The following C9orf72 variants were observed in gnomAD, a reference collection of about 807,000 sequenced individuals.
The protein encoded by C9orf72 is guanine nucleotide exchange factor C9orf72.
Under a neutral mutation model 51.6 loss-of-function variants are expected in C9orf72, and 44 were observed. The observed-to-expected ratio is 0.85, with a 90% CI of 0.67 to 1.10. C9orf72 has a LOEUF of 1.10. Among genes scored for constraint, C9orf72 ranks in the 50% least tolerant of loss-of-function variants. The pLI, the probability that C9orf72 is intolerant of heterozygous loss-of-function variation, is 0.00. For synonymous variants in C9orf72, 213 were observed against 194.2 expected, an observed-to-expected ratio of 1.10 and a Z score of -0.81; for missense variants, 607 against 570.6, an observed-to-expected ratio of 1.06 and a Z score of -0.65.
Position 27,548,650 on chromosome 9 carries a change from G to A in C9orf72, c.1166C>T (p.Pro389Leu). ...GAAAGTACTTCTGAGAGATAAGCCAGGTTTCAGCTGAAAGACCTGCAGGGA... is the reference window on the plus strand; with the variant it reads ...GAAAGTACTTCTGAGAGATAAGCCAAGTTTCAGCTGAAAGACCTGCAGGGA... ...AFLDQVFQLK[P>L]GLSLRSTFLA... The change falls in exon 10 of 11, where the codon CCT becomes CTT. Residue 389 changes from proline to leucine, a missense_variant. Transcript: ENST00000380003. The A allele has an allele frequency of 6.2e-7, 1 of 1,607,878 alleles. No individual in the cohort carries two copies. Among genetic ancestry groups the A allele is most frequent in the Non-Finnish European group, 8.5e-7 (1 of 1,174,468 alleles).
At chr9:27,572,285 A>G (rs1819603778) in intron 1 of C9orf72, among the ~76,000 whole-genome samples, 1 of 152,182 alleles carries the variant, frequency 6.6e-6, no homozygotes, top group East Asian at 1.9e-4. Flanking sequence ...GGGTTTTCCT[A>G]AAGTGGCAGG....
At chr9:27,554,887 G>A (rs756281993) in intron 8 of C9orf72, among the ~76,000 whole-genome samples, 3 of 152,076 alleles carry the variant, frequency 2.0e-5, no homozygotes, top group Admixed American at 6.5e-5. Flanking sequence ...ATTTTGTCAT[G>A]ATCAGCAAAA....
chr9:27,569,504 A>C (rs1371683839), intron 1 of C9orf72, among the ~76,000 whole-genome samples: 1 of 152,190 alleles, frequency 6.6e-6, no homozygotes, highest in Non-Finnish European at 1.5e-5. Flanking sequence ...CTGTGTTACA[A>C]CTGTCTATAG....
chr9:27,560,767 T>G (rs1819323771), intron 5 of C9orf72: 4 of 985,084 alleles, frequency 4.1e-6, no homozygotes, highest in Non-Finnish European at 4.8e-6. Flanking sequence ...GAAAAGACTG[T>G]GAACATAAAA....
chr9:27,572,343 T>C (rs1819605446), intron 1 of C9orf72, among the ~76,000 whole-genome samples: 1 of 152,204 alleles, frequency 6.6e-6, no homozygotes, highest in African/African-American at 2.4e-5. Context: ...TGACACCGTA[T>C]TTCAAGTATT....
At chr9:27,556,461 T>C (rs912223134) in intron 8 of C9orf72, 100 bp downstream of exon 8, 8 of 730,960 alleles carry the variant, frequency 1.1e-5, no homozygotes, top group Non-Finnish European at 1.6e-5. Flanking sequence ...GCTGGTAATA[T>C]TTCTTTCTTT....
chr9:27,564,205 G>A (rs1256363028), intron 3 of C9orf72, among the ~76,000 whole-genome samples: 5 of 148,576 alleles, frequency 3.4e-5, no homozygotes, highest in Admixed American at 1.3e-4. Flanking sequence ...TACAGAAGAG[G>A]CTCTAAAAGA....
chr9:27,566,928 G>A lies in C9orf72; in HGVS notation c.193C>T (p.His65Tyr). The change falls in exon 2 of 11, where the codon CAC (histidine) becomes TAC (tyrosine). Residue 65 changes from histidine to tyrosine, a missense_variant. Physicochemically the swap from His to Tyr is moderately conservative, Grantham distance 83. Transcript: ENST00000380003. ...CGAAGGATTTCTCCATTTAGAGTGT[G>A]GTTGGCAAGAAAAGTTATTTCTCCA... ...SDGEITFLAN[H>Y]TLNGEILRNA... is the part of the protein sequence containing the mutation. 1.2e-6 allele frequency: 2 copies of A among 1,614,042 alleles called. No individual in the cohort carries two copies. Among genetic ancestry groups the A allele is most frequent in the Non-Finnish European group, 1.7e-6 (2 of 1,179,938 alleles).
At chr9:27,570,311 T>C (rs1218969226) in intron 1 of C9orf72, among the ~76,000 whole-genome samples, 2 of 152,214 alleles carry the variant, frequency 1.3e-5, no homozygotes, top group Admixed American at 1.3e-4. Flanking sequence ...GAGGCCAACA[T>C]AATGAATTAA....
chr9:27,566,887 A>C lies in C9orf72; in HGVS notation c.234T>G (p.Gly78=), dbSNP rs759356207. 1 of 1,613,972 alleles carries C rather than the reference A, an allele frequency of 6.2e-7. No homozygotes were observed. Among genetic ancestry groups the C allele is most frequent in the Non-Finnish European group, 8.5e-7 (1 of 1,179,906 alleles). The change falls in exon 2 of 11, where the codon GGT becomes GGG. Residue 78 remains glycine, a synonymous_variant. Transcript: ENST00000380003. ...NGEILRNAES[G]AIDVKFFVLS... The stretch of plus-strand genomic sequence containing the variant: ...AGACAAAAAACTTTACATCTATAGC[A>C]CCACTCTCTGCATTTCGAAGGATTT...
Position 27,560,279 on chromosome 9 carries a change from T to G in C9orf72, c.686A>C (p.Gln229Pro), listed in dbSNP as rs1230480666. The change falls in exon 6 of 11, where the codon CAA (glutamine) becomes CCA (proline). Residue 229 changes from glutamine (Q) to proline (P), a missense_variant. Gln to Pro is a moderately conservative substitution (Grantham distance 76, BLOSUM62 -1). Transcript: ENST00000380003. ...TACTACAACGGAACAGCCACAGGTT[T>G]GCAAGTGTGAGCTGATGGCACTGTA... Reference protein sequence around the residue: ...FLLNAISSHLQTCGCSVVVGS... With the variant: ...FLLNAISSHLPTCGCSVVVGS... The G allele has an allele frequency of 6.2e-7, 1 of 1,610,430 alleles. No homozygotes were observed. The highest frequency in any genetic ancestry group is 1.3e-5 in the African/African-American group (1 of 74,788).
Position 27,566,974 on chromosome 9 carries a change from T to C in C9orf72, c.147A>G (p.Thr49=), listed in dbSNP as rs1183460536. ...PRVRHIWAPK[T]EQVLLSDGEI... Reference sequence around the variant, plus strand: ...CTCCATCACTGAGAAGTACCTGTTCTGTCTTTGGAGCCCAAATGTGCCTTA... The same window carrying C: ...CTCCATCACTGAGAAGTACCTGTTCCGTCTTTGGAGCCCAAATGTGCCTTA... The change falls in exon 2 of 11, where the codon ACA becomes ACG. Residue 49 remains threonine, a synonymous_variant. Coordinates refer to ENST00000380003, the MANE Select transcript of C9orf72 (RefSeq NM_018325.5). 2.5e-6 allele frequency: 4 copies of C among 1,614,136 alleles called. No homozygotes were observed. Among genetic ancestry groups the C allele is most frequent in the Non-Finnish European group, 2.5e-6 (3 of 1,179,948 alleles).
Position 27,556,922 on chromosome 9 carries a change from TC to T in C9orf72, c.856-127del, listed in dbSNP as rs1204918697. 5.1e-5 allele frequency: 34 copies of T among 662,624 alleles called. No homozygotes were observed. The Middle Eastern group carries it at 2.9e-3, about 57-fold the overall frequency. 41.0% of individuals were successfully genotyped at this position (662,624 alleles called of 1,614,324 possible). A position where few individuals can be genotyped will look rare whatever the true frequency, so the allele number is the denominator to read the frequency against. ...CTAAAAATTTATCCTAAGAAGCTATTCATGAGTGTGTGCAAAGTTTTAGTGA... is the reference window on the plus strand; with the variant it reads ...CTAAAAATTTATCCTAAGAAGCTATTATGAGTGTGTGCAAAGTTTTAGTGA... On this transcript the variant is annotated intron_variant, in intron 7 of 10. Coordinates refer to ENST00000380003, the MANE Select transcript of C9orf72 (RefSeq NM_018325.5).
chr9:27,552,156 T>G (rs1309614111), intron 8 of C9orf72, among the ~76,000 whole-genome samples: 1 of 152,220 alleles, frequency 6.6e-6, no homozygotes, highest in Non-Finnish European at 1.5e-5. Flanking sequence ...CTTTCCTGAT[T>G]GCTCTGGCTA....
Position 27,556,611 on chromosome 9 carries a change from G to A in C9orf72, c.1041C>T (p.Asp347=), listed in dbSNP as rs1026481197. The A allele has an allele frequency of 6.2e-7, 1 of 1,613,538 alleles. No individual in the cohort carries two copies. The highest frequency in any genetic ancestry group is 8.5e-7 in the Non-Finnish European group (1 of 1,179,746). ...TAFWRATSEE[D]MAQDTIIYTD... Reference sequence around the variant, plus strand: ...TGTAGATGATCGTATCCTGAGCCATGTCTTCTTCTGAAGTGGCTCTCCAGA... The same window carrying A: ...TGTAGATGATCGTATCCTGAGCCATATCTTCTTCTGAAGTGGCTCTCCAGA... The change falls in exon 8 of 11, where the codon GAC becomes GAT. Residue 347 remains aspartate (D), a synonymous_variant. Transcript: ENST00000380003.
At chr9:27,557,612 G>C (rs1377667915) in intron 7 of C9orf72, among the ~76,000 whole-genome samples, 1 of 151,984 alleles carries the variant, frequency 6.6e-6, no homozygotes, top group East Asian at 1.9e-4. Flanking sequence ...AAATGAGAGG[G>C]TGCTGAGGAA....
intron 1 of C9orf72, among the ~76,000 whole-genome samples, chr9:27,571,693 C>G (rs1819589627): frequency 6.6e-6 from 1 of 152,166 alleles, no homozygotes; most frequent in Non-Finnish European, 1.5e-5. Flanking sequence ...TTCAAGTGAT[C>G]CTCTTGCCTC....
chr9:27,561,513 C>A (rs1005848969), intron 5 of C9orf72, 72 bp downstream of exon 5: 3 of 1,585,592 alleles, frequency 1.9e-6, no homozygotes, highest in African/African-American at 1.4e-5. Flanking sequence ...TTTCTTTCTT[C>A]CAAATCTTGT....
At chr9:27,561,454 G>A in intron 5 of C9orf72, 131 bp downstream of exon 5, 1 of 1,320,798 alleles carries the variant, frequency 7.6e-7, no homozygotes, top group Non-Finnish European at 9.6e-7. Flanking sequence ...TTAAGCAACA[G>A]TTCAAATACG....
Sources: allele counts gnomAD v4.1 joint callset (sites outside exome capture counted in the v4.1 genomes callset), GRCh38; gene constraint gnomAD v4.1.1; transcripts MANE v1.5; gene names NCBI Gene and HGNC (gene_info 2026-07-23, HGNC 2026-07-21).